The following MCMDC2 variants were observed in gnomAD, a reference collection of about 807,000 sequenced individuals.
MCMDC2 encodes minichromosome maintenance domain-containing protein 2.
Under a neutral mutation model 75.8 loss-of-function variants are expected in MCMDC2, and 54 were observed. The ratio of observed to expected loss-of-function variants is 0.71; its 90% confidence interval spans 0.57 to 0.89. The LOEUF (loss-of-function observed/expected upper bound fraction) is 0.89. Among genes scored for constraint, MCMDC2 ranks in the 40% least tolerant of loss-of-function variants. MCMDC2 has a pLI of 0.00. For missense variants in MCMDC2, 656 were observed against 780.4 expected, an observed-to-expected ratio of 0.84 and a Z score of 1.90; for synonymous variants, 249 against 274.6, an observed-to-expected ratio of 0.91 and a Z score of 0.92.
intron 1 of MCMDC2, among the ~76,000 whole-genome samples, 184 bp from the exon 2 acceptor site, chr8:66,873,869 A>G (rs1811143277): frequency 6.6e-6 from 1 of 152,054 alleles, no homozygotes; most frequent in Non-Finnish European, 1.5e-5. Context: ...CCTGGGCAAC[A>G]GAGCGAGACT....
At chr8:66,890,073 G>A (rs1342292408) in intron 9 of MCMDC2, among the ~76,000 whole-genome samples, 3 of 152,102 alleles carry the variant, frequency 2.0e-5, no homozygotes, top group Non-Finnish European at 4.4e-5. Context: ...TTCTTTTGTT[G>A]TTGTTGTTTT....
At chr8:66,878,237 G>A (rs933989444) in intron 5 of MCMDC2, among the ~76,000 whole-genome samples, 3 of 152,052 alleles carry the variant, frequency 2.0e-5, no homozygotes, top group Admixed American at 6.6e-5. Flanking sequence ...CTCTGAACAC[G>A]CTGCAAATGA....
chr8:66,872,882 C>T (rs1811089612), intron 1 of MCMDC2, among the ~76,000 whole-genome samples: 1 of 144,762 alleles, frequency 6.9e-6, no homozygotes, highest in African/African-American at 2.6e-5. Flanking sequence ...CGTTTGAACC[C>T]AGGGGTGGAG....
chr8:66,877,798 G>A (rs926110812), intron 5 of MCMDC2, among the ~76,000 whole-genome samples: 4 of 151,068 alleles, frequency 2.6e-5, no homozygotes, highest in Non-Finnish European at 2.9e-5. Flanking sequence ...CAGGGAGGTC[G>A]GGGCTGCAGT....
At chr8:66,918,266 C>A (rs1207430627) in intron 14 of MCMDC2, among the ~76,000 whole-genome samples, 1 of 148,532 alleles carries the variant, frequency 6.7e-6, no homozygotes, top group Non-Finnish European at 1.5e-5. Context: ...GATTTATAGA[C>A]CCCTTTATCA....
chr8:66,898,624 CAAAA>C (rs1405645692), intron 12 of MCMDC2, among the ~76,000 whole-genome samples: 2 of 58,612 alleles, frequency 3.4e-5, no homozygotes, highest in African/African-American at 5.0e-5. Flanking sequence ...AACTCCGTCT[CAAAA>C]AAAAAAAAAA....
intron 10 of MCMDC2, among the ~76,000 whole-genome samples, chr8:66,894,290 A>G (rs1245684150): frequency 2.0e-5 from 3 of 152,230 alleles, no homozygotes; most frequent in African/African-American, 7.2e-5. Flanking sequence ...AAAGAAGGCA[A>G]AGGCCTTTCA....
At chr8:66,875,272 G>A (rs971603057) in intron 4 of MCMDC2, among the ~76,000 whole-genome samples, 5 of 151,694 alleles carry the variant, frequency 3.3e-5, no homozygotes, top group African/African-American at 9.7e-5. Context: ...TAAAAATTAT[G>A]GACATTTTTC....
chr8:66,906,016 A>G (rs1052907313), intron 14 of MCMDC2, among the ~76,000 whole-genome samples: 8 of 151,984 alleles, frequency 5.3e-5, no homozygotes, highest in African/African-American at 1.4e-4. Context: ...AAAAAAAAAA[A>G]AAAGAAAGAA....
At chr8:66,893,312 C>T (rs1280440481) in intron 10 of MCMDC2, among the ~76,000 whole-genome samples, 2 of 152,104 alleles carry the variant, frequency 1.3e-5, no homozygotes, top group South Asian at 2.1e-4. Context: ...AGTTCTAGAC[C>T]ATCCTGGGCA....
At chr8:66,894,786 G>C (rs1020520687) in intron 10 of MCMDC2, among the ~76,000 whole-genome samples, 1 of 152,280 alleles carries the variant, frequency 6.6e-6, no homozygotes, top group South Asian at 2.1e-4. Flanking sequence ...CACTGAAAGT[G>C]TACAGTTAAG....
intron 1 of MCMDC2, among the ~76,000 whole-genome samples, chr8:66,871,190 G>A (rs998207309): frequency 4.6e-5 from 7 of 152,186 alleles, no homozygotes; most frequent in African/African-American, 1.4e-4. Context: ...TTTACGCAGT[G>A]ACACCCAGAC....
Position 66,874,333 on chromosome 8 carries a change from A to G in MCMDC2, c.102A>G (p.Lys34=), listed in dbSNP as rs1338012911. The change falls in exon 3 of 15, where the codon AAA becomes AAG. Residue 34 remains lysine, a synonymous_variant. Transcript: ENST00000422365. ...IDDCKYYNDS[K]QSYAVYRFKI... ...ATTTGTATATTTTCATAGATTCAAAACAAAGCTATGCTGTCTATCGATTCA... is the reference window on the plus strand; with the variant it reads ...ATTTGTATATTTTCATAGATTCAAAGCAAAGCTATGCTGTCTATCGATTCA... The G allele has an allele frequency of 3.1e-6, 5 of 1,609,786 alleles. No homozygotes were observed. Among genetic ancestry groups the G allele is most frequent in the Non-Finnish European group, 4.2e-6 (5 of 1,178,914 alleles).
intron 14 of MCMDC2, among the ~76,000 whole-genome samples, chr8:66,910,748 G>A (rs1191442213): frequency 2.0e-5 from 3 of 151,914 alleles, no homozygotes; most frequent in Admixed American, 6.6e-5. Context: ...GACGGAGGTT[G>A]TAGTGAGATG....
In MCMDC2 at chr8:66,896,904, C is replaced by T; in HGVS notation, c.1571C>T (p.Pro524Leu). The change falls in exon 12 of 15, where the codon CCT (proline) becomes CTT (leucine). Residue 524 changes from proline (P) to leucine (L), a missense_variant. Physicochemically the swap from Pro to Leu is moderately conservative, Grantham distance 98. Coordinates refer to ENST00000422365, the MANE Select transcript of MCMDC2 (RefSeq NM_173518.5). ...CACACTTTGAACAAAGCCATTAATC[C>T]TGAAGGGCTGTTTTATGCGGCTTCT... ...VQHTLNKAIN[P>L]EGLFYAASRQ... 2 of 1,612,730 alleles carry T rather than the reference C, an allele frequency of 1.2e-6. No individual in the cohort carries two copies. Among genetic ancestry groups the T allele is most frequent in the South Asian group, 2.2e-5 (2 of 90,854 alleles).
rs1349473644 is a variant in MCMDC2 at position 66,874,224 on chromosome 8, G to A, written c.84G>A (p.Lys28=). 6.2e-7 allele frequency: 1 copy of A among 1,612,208 alleles called. No homozygotes were observed. Among genetic ancestry groups the A allele is most frequent in the Admixed American group, 1.7e-5 (1 of 59,690 alleles). Residue 28 remains lysine, a synonymous_variant, in exon 2 of 15, where the codon AAG becomes AAA. Transcript: ENST00000422365. ...GGLQKFIDDC[K]YYNDSKQSYA... ...TCCAAAAGTTTATAGATGATTGCAA[G>A]TACTACAATGGTACGTTCAGCAAAG...
At chr8:66,873,294 A>C (rs1471876645) in intron 1 of MCMDC2, among the ~76,000 whole-genome samples, 1 of 152,212 alleles carries the variant, frequency 6.6e-6, no homozygotes, top group Non-Finnish European at 1.5e-5. Flanking sequence ...TCCTACAGAT[A>C]GATACTGAGC....
intron 12 of MCMDC2, among the ~76,000 whole-genome samples, chr8:66,900,806 AG>A (rs774791950): frequency 1.2e-3 from 177 of 152,336 alleles, no homozygotes; most frequent in Middle Eastern, 3.4e-3. Flanking sequence ...TTTAAAAGGA[AG>A]GAAGGGAAGT....
chr8:66,878,127 C>T (rs1435086163), intron 5 of MCMDC2, among the ~76,000 whole-genome samples: 5 of 152,054 alleles, frequency 3.3e-5, no homozygotes, highest in Admixed American at 6.6e-5. Context: ...GTTTAATGTC[C>T]TCTCTCAACC....
Sources: allele counts gnomAD v4.1 joint callset (sites outside exome capture counted in the v4.1 genomes callset), GRCh38; gene constraint gnomAD v4.1.1; transcripts MANE v1.5; gene names NCBI Gene and HGNC (gene_info 2026-07-23, HGNC 2026-07-21).